Variants in CORO6 observed in about 807,000 individuals in gnomAD.
The protein encoded by CORO6 is coronin 6, also known as coronin-6.
A neutral mutation model predicts 49.0 loss-of-function variants in CORO6; 43 were observed. The observed-to-expected ratio is 0.88, with a 90% CI of 0.69 to 1.13. The LOEUF is 1.13. Ranked by LOEUF, CORO6 falls within the 50% of genes most tolerant of loss-of-function variation. The pLI is 0.00. For missense variants in CORO6, 650 were observed against 647.0 expected, an observed-to-expected ratio of 1.00 and a Z score of -0.05; for synonymous variants, 233 against 256.5, an observed-to-expected ratio of 0.91 and a Z score of 0.88.
intron 5 of CORO6, chr17:29,617,939 A>T (rs2035076411): frequency 1.0e-6 from 1 of 956,018 alleles, no homozygotes; most frequent in South Asian, 1.9e-5. Context: ...CCCGAATGGG[A>T]GCTCCCCGCT....
In CORO6 at chr17:29,621,298, C is replaced by G. The variant is rs757279068; in HGVS notation, c.124G>C (p.Val42Leu). The change falls in exon 2 of 11, where the codon GTC (valine) becomes CTC (leucine). Residue 42 changes from valine to leucine, a missense_variant. Val to Leu is a conservative substitution (Grantham distance 32, BLOSUM62 1). Transcript: ENST00000388767. This position sits in a 1 kb window ranked among gnomAD's most constrained non-coding sequence, Gnocchi z 4.2. ...KVTWDSSFCA[V>L]NPKFLAIIVE... ...ATAATGGCCAGGAATTTGGGGTTGA[C>G]GGCACAGAAGGAGCTGTCCCATGTG... 8.1e-6 allele frequency: 13 copies of G among 1,614,078 alleles called. No homozygotes were observed. Among genetic ancestry groups the G allele is most frequent in the Non-Finnish European group, 1.0e-5 (12 of 1,180,040 alleles).
Position 29,615,630 on chromosome 17 carries a change from C to T in CORO6, c.*102G>A, listed in dbSNP as rs374517928. Reference sequence around the variant, plus strand: ...GGAGTTCCCTCCCCAGTCCCGCCCCCGGGCCCAGCCCAAGAAGGCGGGGTC... The same window carrying T: ...GGAGTTCCCTCCCCAGTCCCGCCCCTGGGCCCAGCCCAAGAAGGCGGGGTC... On this transcript the variant is annotated 3_prime_UTR_variant, in exon 11 of 11. Transcript: ENST00000388767. The T allele has an allele frequency of 1.3e-3, 1,742 of 1,309,850 alleles. 8 individuals carry two copies. Among genetic ancestry groups the T allele is most frequent in the African/African-American group, 9.8e-3 (649 of 65,994 alleles). 81.1% of individuals were successfully genotyped at this position (1,309,850 alleles called of 1,614,324 possible).
chr17:29,617,800 G>A (rs1216845126), intron 5 of CORO6, 181 bp from the exon 6 acceptor site: 12 of 749,568 alleles, frequency 1.6e-5, no homozygotes, highest in Non-Finnish European at 2.3e-5. Context: ...CTGACCTGGA[G>A]AGCATCCGGG....
rs1598641885 is a variant in CORO6, at chr17:29,618,969, C to T, written c.454G>A (p.Gly152Ser). 1.2e-6 allele frequency: 2 copies of T among 1,613,524 alleles called. No individual in the cohort carries two copies. Among genetic ancestry groups the T allele is most frequent in the African/African-American group, 1.3e-5 (1 of 74,876 alleles). ...TTCCAGATGATGATCACATTGTCAC[C>T]ACCTGCCCAGAGTGGCCAGGCATGG... ...TARNVLLSAG[G>S]DNVIIIWNVG... is the part of the protein sequence containing the mutation. The change falls in exon 5 of 11, where the codon GGT becomes AGT. Residue 152 changes from glycine (G) to serine (S), a missense_variant and splice_region_variant. Gly to Ser is a moderately conservative substitution (Grantham distance 56). Coordinates refer to ENST00000388767, the MANE Select transcript of CORO6 (RefSeq NM_032854.4).
chr17:29,615,780 G>A lies in CORO6; in HGVS notation c.1371C>T (p.Ile457=), dbSNP rs1357256416. 1 of 1,557,460 alleles carries A rather than the reference G, an allele frequency of 6.4e-7. No individual in the cohort carries two copies. The highest frequency in any genetic ancestry group is 2.4e-5 in the East Asian group (1 of 41,658). Residue 457 remains isoleucine (I), a synonymous_variant, in exon 11 of 11, where the codon ATC becomes ATT. Coordinates refer to ENST00000388767, the MANE Select transcript of CORO6 (RefSeq NM_032854.4). ...RERVQAQEQR[I]TALENMLCEL... ...CGCACAGCATGTTCTCCAGAGCCGT[G>A]ATGCGCTGCTCCTGGGCCTGCACCC...
At chr17:29,620,030 G>A (rs2035229976) in intron 2 of CORO6, among the ~76,000 whole-genome samples, 1 of 152,218 alleles carries the variant, frequency 6.6e-6, no homozygotes, top group Non-Finnish European at 1.5e-5. Context: ...GTAGAGCTGA[G>A]ATTTGAACTT....
At position 29,615,949 on chromosome 17, in the gene CORO6, A is replaced by C. The variant is rs776038423; in HGVS notation, c.1289T>G (p.Leu430Trp). Reference protein sequence around the residue: ...RRSQSASDAPLSQQHTLETLL... With the variant: ...RRSQSASDAPWSQQHTLETLL... ...GTGCAGCAGGGCCGATCTTACCGACAAGGGGGCGTCGCTGGCCGACTGGCT... is the reference window on the plus strand; with the variant it reads ...GTGCAGCAGGGCCGATCTTACCGACCAGGGGGCGTCGCTGGCCGACTGGCT... The change falls in exon 10 of 11, where the codon TTG becomes TGG. Residue 430 changes from leucine to tryptophan, a missense_variant. Leu to Trp is a moderately conservative substitution (Grantham distance 61). Coordinates refer to ENST00000388767, the MANE Select transcript of CORO6 (RefSeq NM_032854.4). 1.9e-6 allele frequency: 3 copies of C among 1,581,342 alleles called. No homozygotes were observed. In the East Asian group the frequency reaches 6.8e-5, roughly 36 times the overall value.
chr17:29,618,287 C>T, intron 5 of CORO6: 1 of 1,299,050 alleles, frequency 7.7e-7, no homozygotes, highest in South Asian at 2.4e-5. Context: ...AGACTTGAGG[C>T]TGGCGAGGCC....
In CORO6 at chr17:29,614,994, A is replaced by G. The variant is rs2034775185; in HGVS notation, c.*738T>C. 6.6e-6 allele frequency: 1 copy of G among 152,106 alleles called. No homozygotes were observed. Among genetic ancestry groups the G allele is most frequent in the Non-Finnish European group, 1.5e-5 (1 of 68,044 alleles). 9.4% of individuals were successfully genotyped at this position (152,106 alleles called of 1,614,324 possible). A position where few individuals can be genotyped will look rare whatever the true frequency, so the allele number is the denominator to read the frequency against. Reference sequence around the variant, plus strand: ...GCACAGACTGAACGCTTAGTAAAATATTTCATTCAGTACGTCTTGTTTTTC... The same window carrying G: ...GCACAGACTGAACGCTTAGTAAAATGTTTCATTCAGTACGTCTTGTTTTTC... On this transcript the variant is annotated 3_prime_UTR_variant, in exon 11 of 11. Coordinates refer to ENST00000388767, the MANE Select transcript of CORO6 (RefSeq NM_032854.4).
In CORO6 at chr17:29,616,304, G is replaced by T. The variant is rs770854544; in HGVS notation, c.1037C>A (p.Pro346His). The T allele has an allele frequency of 1.2e-6, 2 of 1,610,748 alleles. No homozygotes were observed. Among genetic ancestry groups the T allele is most frequent in the Non-Finnish European group, 1.7e-6 (2 of 1,178,430 alleles). The change falls in exon 9 of 11, where the codon CCT becomes CAT. Residue 346 changes from proline to histidine, a missense_variant. By Grantham distance (77) the Pro-to-His change is moderately conservative. Coordinates refer to ENST00000388767, the MANE Select transcript of CORO6 (RefSeq NM_032854.4). This position sits in a 1 kb window ranked among gnomAD's most constrained non-coding sequence, Gnocchi z 5.6. The part of the protein sequence containing the change: ...FYKLHERKCE[P>H]IIMTVPRKSD... Reference sequence around the variant, plus strand: ...CTTGCGGGGCACAGTCATGATGATAGGTTCACACTTTCTTTCGTGTAGCTT... The same window carrying T: ...CTTGCGGGGCACAGTCATGATGATATGTTCACACTTTCTTTCGTGTAGCTT...
rs556343915 is a variant in CORO6, at chr17:29,616,426, G to A, written c.1005-90C>T. 30 of 1,271,280 alleles carry A rather than the reference G, an allele frequency of 2.4e-5. No individual in the cohort carries two copies. The South Asian group carries it at 3.7e-4, about 16-fold the overall frequency. The allele number at this position is 1,271,280 out of a possible 1,614,324, so 78.7% of individuals were successfully genotyped here. ...CCAAGGGGGTTGGAGGCCAACACTT[G>A]CTCAGCGCCTACCATGCATATTGCA... On this transcript the variant is annotated intron_variant, in intron 8 of 10. Transcript: ENST00000388767. This position sits in a 1 kb window ranked among gnomAD's most constrained non-coding sequence, Gnocchi z 5.6.
Position 29,621,583 on chromosome 17 carries a change from G to A in CORO6, c.-63-99C>T. The A allele has an allele frequency of 7.7e-7, 1 of 1,292,558 alleles. No homozygotes were observed. The allele number at this position is 1,292,558 out of a possible 1,614,324, so 80.1% of individuals were successfully genotyped here. On this transcript the variant is annotated intron_variant, in intron 1 of 10. Transcript: ENST00000388767. The surrounding 1 kb of genome is among the most constrained non-coding windows in gnomAD (Gnocchi z 4.2). ...TATAGTGTCTGGTCCTAGAAGCAGG[G>A]AGCTTTCTTCAAGGTGGTCAAAGTA... is the stretch of plus-strand genomic sequence containing the variant.
chr17:29,622,615 C>A (rs1316104802), intron 1 of CORO6, 73 bp downstream of exon 1: 7 of 892,274 alleles, frequency 7.8e-6, no homozygotes, highest in Non-Finnish European at 1.0e-5. Context: ...GGAGGAGGCG[C>A]AGACCTCTGC....
exon 1 of CORO6, chr17:29,622,908 AGGGCGGGGCTAGCATAG>A (rs770478240): frequency 9.0e-7 from 1 of 1,114,312 alleles, no homozygotes; most frequent in Non-Finnish European, 1.1e-6. Context: ...TCAACCTAAG[AGGGCGGGGCTAGCATAG>A]GGGCGGGGCC....
chr17:29,617,854 C>A (rs979664774), intron 5 of CORO6: 8 of 675,430 alleles, frequency 1.2e-5, no homozygotes, highest in African/African-American at 9.4e-5. Context: ...CGATCCCGAA[C>A]CCTTAAGCGC....
At position 29,622,882 on chromosome 17, in the gene CORO6, C is replaced by G. The variant is rs1378785356; in HGVS notation, c.-258G>C. 2 of 1,287,316 alleles carry G rather than the reference C, an allele frequency of 1.6e-6. No homozygotes were observed. Among genetic ancestry groups the G allele is most frequent in the South Asian group, 1.3e-5 (1 of 79,168 alleles). The allele number at this position is 1,287,316 out of a possible 1,614,324, so 79.7% of individuals were successfully genotyped here. A position where few individuals can be genotyped will look rare whatever the true frequency, so the allele number is the denominator to read the frequency against. Reference sequence around the variant, plus strand: ...TCTAGAGCCCGGCGCCGCTGCAGCCCCAGCTGCCGCTGCCATCAACCTAAG... The same window carrying G: ...TCTAGAGCCCGGCGCCGCTGCAGCCGCAGCTGCCGCTGCCATCAACCTAAG... On this transcript the variant is annotated 5_prime_UTR_variant, in exon 1 of 11. Transcript: ENST00000388767.
chr17:29,616,310 CACTT>C lies in CORO6; in HGVS notation c.1027_1030del (p.Lys343ValfsTer6). 1.2e-6 allele frequency: 2 copies of C among 1,609,978 alleles called. No individual in the cohort carries two copies. The highest frequency in any genetic ancestry group is 1.7e-6 in the Non-Finnish European group (2 of 1,178,016). Reference sequence around the variant, plus strand: ...GGGCACAGTCATGATGATAGGTTCACACTTTCTTTCGTGTAGCTTGTAGAACCTA... The same window carrying C: ...GGGCACAGTCATGATGATAGGTTCACTCTTTCGTGTAGCTTGTAGAACCTA... On this transcript the variant is annotated frameshift_variant, in exon 9 of 11. Transcript: ENST00000388767. LOFTEE classifies it high-confidence loss of function. The surrounding 1 kb of genome is among the most constrained non-coding windows in gnomAD (Gnocchi z 5.6).
At chr17:29,619,376 T>C (rs1218014024) in intron 3 of CORO6, among the ~76,000 whole-genome samples, 187 bp from the exon 4 acceptor site, 1 of 151,984 alleles carries the variant, frequency 6.6e-6, no homozygotes, top group Non-Finnish European at 1.5e-5. Flanking sequence ...CTGCCAGCTC[T>C]CCAGAGACCT....
chr17:29,622,847 C>A lies in CORO6; in HGVS notation c.-223G>T. On this transcript the variant is annotated 5_prime_UTR_variant, in exon 1 of 11. Transcript: ENST00000388767. The stretch of plus-strand genomic sequence containing the variant: ...TGTCCAGCTCCGCACTCTGGCCGAT[C>A]CTGCGGCTCTCTAGAGCCCGGCGCC... The A allele has an allele frequency of 7.7e-7, 1 of 1,303,432 alleles. No homozygotes were observed. Among genetic ancestry groups the A allele is most frequent in the Non-Finnish European group, 1.0e-6 (1 of 990,260 alleles). The allele number at this position is 1,303,432 out of a possible 1,614,324, so 80.7% of individuals were successfully genotyped here. A position where few individuals can be genotyped will look rare whatever the true frequency, so the allele number is the denominator to read the frequency against.
Sources: gnomAD v4.1 joint callset for allele counts (sites outside exome capture counted in the v4.1 genomes callset) on GRCh38, gnomAD v4.1.1 for gene constraint, Gnocchi (gnomAD v3.1) non-coding constraint, MANE v1.5 for transcripts, NCBI Gene and HGNC (gene_info 2026-07-23, HGNC 2026-07-21) for gene names.